OPA1: variants seen among roughly 807,000 people sequenced by gnomAD.
The protein encoded by OPA1 is OPA1 mitochondrial dynamin like GTPase, also known as dynamin-like GTPase OPA1, mitochondrial.
OPA1 carries 59 observed loss-of-function variants against 152.9 expected under a neutral mutation model. The observed-to-expected ratio is 0.39, with a 90% CI of 0.31 to 0.48. OPA1 has a LOEUF of 0.48. Ranked by LOEUF, OPA1 falls within the 20% of genes least tolerant of loss-of-function variation. The pLI, the probability that OPA1 is intolerant of heterozygous loss-of-function variation, is 0.96. For synonymous variants in OPA1, 400 were observed against 389.9 expected, an observed-to-expected ratio of 1.03 and a Z score of -0.31; for missense variants, 1,008 against 1,216.8, an observed-to-expected ratio of 0.83 and a Z score of 2.55.
chr3:193,647,761 G>A (rs2109075482), intron 19 of OPA1, among the ~76,000 whole-genome samples: 1 of 152,246 alleles, frequency 6.6e-6, no homozygotes, highest in African/African-American at 2.4e-5. Context: ...CACAACATGG[G>A]TAATAGGCCC....
intron 1 of OPA1, among the ~76,000 whole-genome samples, chr3:193,601,779 G>GT (rs1726507646): frequency 6.6e-6 from 1 of 152,188 alleles, no homozygotes; most frequent in South Asian, 2.1e-4. Context: ...TTGAAAAAGA[G>GT]TGTTGTTTTT....
chr3:193,689,440 C>T (rs1304226150), intron 29 of OPA1, among the ~76,000 whole-genome samples: 7 of 152,058 alleles, frequency 4.6e-5, no homozygotes, highest in Admixed American at 2.0e-4. Context: ...AAGGGAAATT[C>T]GGCATTTTTT....
intron 6 of OPA1, among the ~76,000 whole-genome samples, chr3:193,622,878 C>A (rs530905763): frequency 1.3e-5 from 2 of 152,092 alleles, no homozygotes; most frequent in African/African-American, 4.8e-5. Flanking sequence ...TTGATGCCAA[C>A]AAAATTTTGG....
At chr3:193,681,637 G>A (rs1720150548) in intron 29 of OPA1, among the ~76,000 whole-genome samples, 2 of 152,196 alleles carry the variant, frequency 1.3e-5, no homozygotes, top group South Asian at 4.1e-4. Context: ...GAACAAGCCT[G>A]TTGGCACTAT....
At chr3:193,650,058 C>T (rs1712013781) in intron 21 of OPA1, among the ~76,000 whole-genome samples, 2 of 152,032 alleles carry the variant, frequency 1.3e-5, no homozygotes, top group Admixed American at 6.6e-5. Context: ...AAAATGTGGT[C>T]CTTCTATAAA....
Position 193,643,973 on chromosome 3 carries a change from A to G in OPA1, c.1478-2A>G, listed in dbSNP as rs534841431. ...ACAGTGTCATTTTTTTATTTTTTTC[A>G]GATGGATCTGTGGATGCTGAACGCA... On this transcript the variant is annotated splice_acceptor_variant, in intron 15 of 30. Transcript: ENST00000361510. LOFTEE classifies it high-confidence loss of function. 2 of 1,613,538 alleles carry G rather than the reference A, an allele frequency of 1.2e-6. No homozygotes were observed. The highest frequency in any genetic ancestry group is 2.2e-5 in the East Asian group (1 of 44,848).
At chr3:193,615,122 G>A (rs1728817243) in intron 2 of OPA1, 81 bp downstream of exon 2, 1 of 1,067,982 alleles carries the variant, frequency 9.4e-7, no homozygotes, top group East Asian at 2.4e-5. Flanking sequence ...TTGTGTAGTG[G>A]AATACAATTG....
At chr3:193,623,814 G>C (rs902412505) in intron 6 of OPA1, among the ~76,000 whole-genome samples, 2 of 152,146 alleles carry the variant, frequency 1.3e-5, no homozygotes, top group Non-Finnish European at 2.9e-5. Flanking sequence ...TGTTCCACAT[G>C]GCCTTAGCTT....
Position 193,662,252 on chromosome 3 carries a change from A to G in OPA1, c.2521-570A>G, listed in dbSNP as rs537406411. Among the ~76,000 whole-genome samples, 350 of 152,324 alleles carry G rather than the reference A, an allele frequency of 2.3e-3. 1 individual carries two copies. The highest frequency in any genetic ancestry group is 3.7e-3 in the Non-Finnish European group (249 of 68,020). On this transcript the variant is annotated intron_variant, in intron 25 of 30. Coordinates refer to ENST00000361510, the MANE Select transcript of OPA1 (RefSeq NM_130837.3). ...GAATAATTACAGATAAGAGACTGGAAGTGAATTTAAGAAGGACAGATACCT... is the reference window on the plus strand; with the variant it reads ...GAATAATTACAGATAAGAGACTGGAGGTGAATTTAAGAAGGACAGATACCT...
At chr3:193,664,791 G>T (rs1292497403) in intron 26 of OPA1, 89 bp from the exon 27 acceptor site, 2 of 782,134 alleles carry the variant, frequency 2.6e-6, no homozygotes, top group Non-Finnish European at 4.4e-6. Flanking sequence ...AACTTTTTTG[G>T]TAAATATAAT....
At position 193,664,909 on chromosome 3, in the gene OPA1, A is replaced by G. The variant is rs1716170136; in HGVS notation, c.2691A>G (p.Arg897=). ...AGGATACTTGGCATCAAGTTTATAG[A>G]AGACATTTTTTAAAAACAGCTCTAA... ...LIKDTWHQVY[R]RHFLKTALNH... The change falls in exon 27 of 31, where the codon AGA becomes AGG. Residue 897 remains arginine (R), a synonymous_variant. Transcript: ENST00000361510. 1.2e-6 allele frequency: 2 copies of G among 1,601,012 alleles called. No individual in the cohort carries two copies. The highest frequency in any genetic ancestry group is 1.7e-6 in the Non-Finnish European group (2 of 1,168,692).
chr3:193,630,591 C>T lies in OPA1; in HGVS notation c.790-1021C>T, dbSNP rs1293321193. 1.3e-5 allele frequency among the ~76,000 whole-genome samples: 2 copies of T among 152,042 alleles called. 1 individual carries two copies. The highest frequency in any genetic ancestry group is 2.9e-5 in the Non-Finnish European group (2 of 67,976). ...TGATGTGTTGTGATTGCTTAAATAA[C>T]CAATGAATGAAGATCAACAAGGATT... is the stretch of plus-strand genomic sequence containing the variant. On this transcript the variant is annotated intron_variant, in intron 7 of 30. Coordinates refer to ENST00000361510, the MANE Select transcript of OPA1 (RefSeq NM_130837.3).
intron 29 of OPA1, among the ~76,000 whole-genome samples, chr3:193,676,535 C>CCT (rs1353879242): frequency 6.6e-6 from 1 of 152,166 alleles, no homozygotes; most frequent in Non-Finnish European, 1.5e-5. Context: ...CAAGGAAAGT[C>CCT]CTCTCTGTTA....
At chr3:193,606,633 A>G (rs528041766) in intron 1 of OPA1, among the ~76,000 whole-genome samples, 5 of 152,290 alleles carry the variant, frequency 3.3e-5, no homozygotes, top group Middle Eastern at 3.4e-3. Context: ...TCCATGGTGT[A>G]TATATGCCAC....
chr3:193,668,571 T>A (rs1352973957), intron 29 of OPA1: 1 of 1,546,098 alleles, frequency 6.5e-7, no homozygotes, highest in Admixed American at 2.0e-5. Context: ...GACCATGCCT[T>A]TGTGGAGATA....
intron 10 of OPA1, among the ~76,000 whole-genome samples, chr3:193,637,672 T>C (rs1733161151): frequency 6.6e-6 from 1 of 152,212 alleles, no homozygotes; most frequent in Non-Finnish European, 1.5e-5. Flanking sequence ...AAAAGATTTA[T>C]GGAAAGTTAA....
At chr3:193,635,599 G>A (rs1005400756) in intron 9 of OPA1, 77 bp downstream of exon 9, 4 of 838,436 alleles carry the variant, frequency 4.8e-6, no homozygotes, top group South Asian at 4.0e-5. Flanking sequence ...AGTTTCTAAG[G>A]AGCTGTAAAG....
Position 193,642,983 on chromosome 3 carries a change from A to G in OPA1, c.1239A>G (p.Ala413=), listed in dbSNP as rs1560372168. The G allele has an allele frequency of 6.2e-7, 1 of 1,613,668 alleles. No individual in the cohort carries two copies. The highest frequency in any genetic ancestry group is 8.5e-7 in the Non-Finnish European group (1 of 1,179,596). The change falls in exon 13 of 31, where the codon GCA becomes GCG. Residue 413 remains alanine (A), a synonymous_variant. Transcript: ENST00000361510. ...TTTGTGTTTTCCATTAGCTTGCAGC[A>G]TTAAGACATGAAATAGAACTTCGAA... is the stretch of plus-strand genomic sequence containing the variant. ...FDLTKEEDLA[A]LRHEIELRMR...
intron 15 of OPA1, 52 bp downstream of exon 15, chr3:193,643,679 A>T: frequency 6.8e-7 from 1 of 1,470,360 alleles, no homozygotes; most frequent in Non-Finnish European, 9.5e-7. Context: ...TTCTTTAGCA[A>T]TCCAAGCTTT....
Sources: allele counts gnomAD v4.1 joint callset (sites outside exome capture counted in the v4.1 genomes callset), GRCh38; gene constraint gnomAD v4.1.1; transcripts MANE v1.5; gene names NCBI Gene and HGNC (gene_info 2026-07-23, HGNC 2026-07-21).